CLMN: variants seen among roughly 807,000 people sequenced by gnomAD.
CLMN encodes calmin (calponin-like, transmembrane).
Under a neutral mutation model 92.7 loss-of-function variants are expected in CLMN, and 57 were observed. The observed-to-expected ratio is 0.61, with a 90% CI of 0.50 to 0.77. The LOEUF is 0.77. Among genes scored for constraint, CLMN ranks in the 30% least tolerant of loss-of-function variants. CLMN has a pLI of 0.00. For synonymous variants in CLMN, 466 were observed against 470.6 expected (o/e 0.99, Z 0.13); for missense variants, 1,158 against 1,237.5 (o/e 0.94, Z 0.96).
intron 2 of CLMN, among the ~76,000 whole-genome samples, chr14:95,224,417 G>A (rs1438639167): frequency 1.3e-5 from 2 of 152,114 alleles, no homozygotes. Flanking sequence ...CGAGGAGCTG[G>A]GATTACAGGC....
At chr14:95,257,116 C>T (rs114480876) in intron 1 of CLMN, among the ~76,000 whole-genome samples, 2 of 152,320 alleles carry the variant, frequency 1.3e-5, no homozygotes, top group African/African-American at 4.8e-5. Context: ...GCCCATTATC[C>T]ATAAAGCTTC....
intron 1 of CLMN, among the ~76,000 whole-genome samples, chr14:95,246,039 T>C (rs1357917055): frequency 2.0e-5 from 3 of 152,232 alleles, no homozygotes; most frequent in Non-Finnish European, 4.4e-5. Flanking sequence ...ATTTTTTGCA[T>C]ATTCTGATGT....
intron 1 of CLMN, among the ~76,000 whole-genome samples, chr14:95,285,959 A>G (rs1900325378): frequency 6.6e-6 from 1 of 152,188 alleles, no homozygotes; most frequent in Non-Finnish European, 1.5e-5. Flanking sequence ...ATATAGGACC[A>G]CATGGTAAAG....
chr14:95,254,058 G>C (rs1168109048), intron 1 of CLMN, among the ~76,000 whole-genome samples: 1 of 152,168 alleles, frequency 6.6e-6, no homozygotes, highest in East Asian at 1.9e-4. Flanking sequence ...AAGATGGAAA[G>C]GGCCTGGGGT....
chr14:95,235,234 T>G (rs201099448), intron 1 of CLMN, among the ~76,000 whole-genome samples: 90 of 152,274 alleles, frequency 5.9e-4, no homozygotes, highest in Non-Finnish European at 9.6e-4. Flanking sequence ...ACTAACGTCA[T>G]GAGCCTCTGG....
intron 1 of CLMN, among the ~76,000 whole-genome samples, chr14:95,315,004 C>A (rs1384442724): frequency 1.3e-5 from 2 of 152,220 alleles, no homozygotes; most frequent in Non-Finnish European, 2.9e-5. Context: ...AACGGTCCCT[C>A]CTTGGCTCCA....
chr14:95,222,349 A>G (rs565789901), intron 3 of CLMN: 17 of 258,694 alleles, frequency 6.6e-5, no homozygotes, highest in Non-Finnish European at 1.6e-5. Context: ...GCAGAAGCTA[A>G]AACTCTGACA....
Position 95,194,220 on chromosome 14 carries a change from C to G in CLMN, c.2770-301G>C. 1 of 1,393,322 alleles carries G rather than the reference C, an allele frequency of 7.2e-7. No homozygotes were observed. Among genetic ancestry groups the G allele is most frequent in the Non-Finnish European group, 9.3e-7 (1 of 1,077,864 alleles). The allele number at this position is 1,393,322 out of a possible 1,614,324, so 86.3% of individuals were successfully genotyped here. On this transcript the variant is annotated intron_variant, in intron 11 of 12. Transcript: ENST00000298912. The surrounding 1 kb of genome is among the most constrained non-coding windows in gnomAD (Gnocchi z 4.0). ...CGTGCCACTGTCCATCGGACCTTGA[C>G]TCATGTTGCACCTCTGTCTCTGAAC...
At chr14:95,258,027 T>C (rs1296079690) in intron 1 of CLMN, among the ~76,000 whole-genome samples, 1 of 149,984 alleles carries the variant, frequency 6.7e-6, no homozygotes, top group Admixed American at 6.6e-5. Context: ...GCTGTGGGCA[T>C]GAGTGTGGTG....
intron 1 of CLMN, among the ~76,000 whole-genome samples, chr14:95,297,661 G>C (rs1900861594): frequency 6.6e-6 from 1 of 152,172 alleles, no homozygotes; most frequent in African/African-American, 2.4e-5. Context: ...AGGGTTTTGA[G>C]ATTCGTCTGT....
intron 1 of CLMN, among the ~76,000 whole-genome samples, chr14:95,250,244 A>C (rs977300153): frequency 6.6e-6 from 1 of 152,256 alleles, no homozygotes; most frequent in African/African-American, 2.4e-5. Flanking sequence ...TGTTACTTGC[A>C]GGTGAACGAT....
chr14:95,284,107 T>C (rs1010380720), intron 1 of CLMN, among the ~76,000 whole-genome samples: 27 of 152,064 alleles, frequency 1.8e-4, no homozygotes, highest in Middle Eastern at 3.2e-3. Flanking sequence ...CCGCTCCAGT[T>C]GTGGTGGAAA....
intron 1 of CLMN, among the ~76,000 whole-genome samples, chr14:95,274,361 C>T (rs1950621): frequency 0.097 from 14,747 of 152,120 alleles, 781 homozygotes; most frequent in African/African-American, 0.14. Flanking sequence ...GCACCTAGCA[C>T]ACGAAGTCAG....
chr14:95,213,525 C>T, intron 5 of CLMN, 116 bp from the exon 6 acceptor site: 5 of 922,054 alleles, frequency 5.4e-6, no homozygotes, highest in Non-Finnish European at 8.0e-6. Flanking sequence ...GGCAGGATTG[C>T]TTCTCTGAAT....
intron 9 of CLMN, among the ~76,000 whole-genome samples, chr14:95,197,184 G>C (rs930150028): frequency 1.3e-5 from 2 of 152,032 alleles, no homozygotes; most frequent in Non-Finnish European, 2.9e-5. Flanking sequence ...GGGAGGCAGA[G>C]GTTGCAGTGA....
intron 1 of CLMN, among the ~76,000 whole-genome samples, chr14:95,282,550 T>TG (rs1370308281): frequency 6.6e-6 from 1 of 151,940 alleles, no homozygotes; most frequent in African/African-American, 2.4e-5. Flanking sequence ...GAGAACTGAG[T>TG]GGCCAGAAAG....
chr14:95,193,778 T>TG, intron 12 of CLMN, 71 bp downstream of exon 12: 1 of 1,581,046 alleles, frequency 6.3e-7, no homozygotes, highest in Middle Eastern at 1.7e-4. Flanking sequence ...TAACCACCCC[T>TG]GTAAGGCAGG....
chr14:95,188,341 C>G lies in CLMN; in HGVS notation c.*3223G>C, dbSNP rs374305568. 10 of 152,062 alleles carry G rather than the reference C, an allele frequency of 6.6e-5. No individual in the cohort carries two copies. Among genetic ancestry groups the G allele is most frequent in the Admixed American group, 4.6e-4 (7 of 15,278 alleles). The allele number at this position is 152,062 out of a possible 1,614,324, so 9.4% of individuals were successfully genotyped here. A position where few individuals can be genotyped will look rare whatever the true frequency, so the allele number is the denominator to read the frequency against. On this transcript the variant is annotated 3_prime_UTR_variant, in exon 13 of 13. Transcript: ENST00000298912. ...CCCTCAGACCACAATCATTAACGTC[C>G]ACAGAGAGACAAAATCTGCATCCAC...
chr14:95,284,391 C>T (rs1254980166), intron 1 of CLMN, among the ~76,000 whole-genome samples: 1 of 152,314 alleles, frequency 6.6e-6, no homozygotes, highest in African/African-American at 2.4e-5. Flanking sequence ...TGGGGCACTG[C>T]CTAGTGGAGC....
Sources: allele counts gnomAD v4.1 joint callset (sites outside exome capture counted in the v4.1 genomes callset), GRCh38; gene constraint gnomAD v4.1.1; non-coding constraint Gnocchi (gnomAD v3.1); transcripts MANE v1.5; gene names NCBI Gene and HGNC (gene_info 2026-07-23, HGNC 2026-07-21).